SLC52A3: variants seen among roughly 807,000 people sequenced by gnomAD.
The protein encoded by SLC52A3 is solute carrier family 52, riboflavin transporter, member 3.
Under a neutral mutation model 29.5 loss-of-function variants are expected in SLC52A3, and 20 were observed. The observed-to-expected ratio is 0.68, with a 90% CI of 0.48 to 0.99. The LOEUF (loss-of-function observed/expected upper bound fraction) is 0.99, where lower values mean the gene tolerates loss of function less well. SLC52A3 is among the 50% of genes least tolerant of loss of function. SLC52A3 has a pLI of 0.00. For missense variants in SLC52A3, 548 were observed against 612.9 expected (o/e 0.89, Z 1.12); for synonymous variants, 301 against 271.0 (o/e 1.11, Z -1.09).
upstream of SLC52A3, among the ~76,000 whole-genome samples, chr20:776,367 C>T (rs751903344): frequency 2.6e-5 from 4 of 152,162 alleles, no homozygotes; most frequent in Admixed American, 6.5e-5. Flanking sequence ...ATAATAGTGC[C>T]CTCTTCATAG....
intron 1 of SLC52A3, among the ~76,000 whole-genome samples, chr20:775,231 T>C (rs1042602767): frequency 6.6e-6 from 1 of 150,654 alleles, no homozygotes; most frequent in African/African-American, 2.4e-5. Flanking sequence ...CGAGATAGCA[T>C]GGAGATGGCC....
In SLC52A3 at chr20:761,068, G is replaced by A. The variant is rs1878825944; in HGVS notation, c.1368C>T (p.Leu456=). The A allele has an allele frequency of 6.2e-7, 1 of 1,610,102 alleles. No homozygotes were observed. The highest frequency in any genetic ancestry group is 1.3e-5 in the African/African-American group (1 of 74,968). Residue 456 remains leucine (L), a synonymous_variant, in exon 5 of 5, where the codon CTC becomes CTT. Transcript: ENST00000645534. ...LMFPLVNVLR[L]FSSADFCNLH... ...GATTGCAGAAGTCCGCGGACGAGAA[G>A]AGCCGCAGCACGTTGACCAGAGGGA...
At chr20:766,042 T>G (rs189500147) in intron 1 of SLC52A3, 82 of 488,380 alleles carry the variant, frequency 1.7e-4, no homozygotes, top group Non-Finnish European at 2.4e-4. Context: ...GCTCAAGTGA[T>G]TCTCCTGCCT....
chr20:765,486 A>AC lies in SLC52A3; in HGVS notation c.288_289insG (p.Ser97ValfsTer49). 1 of 1,595,644 alleles carries AC rather than the reference A, an allele frequency of 6.3e-7. No individual in the cohort carries two copies. The highest frequency in any genetic ancestry group is 8.5e-7 in the Non-Finnish European group (1 of 1,171,176). On this transcript the variant is annotated frameshift_variant, in exon 2 of 5. Coordinates refer to ENST00000645534, the MANE Select transcript of SLC52A3 (RefSeq NM_033409.4). LOFTEE classifies it high-confidence loss of function. This position sits in a 1 kb window ranked among gnomAD's most constrained non-coding sequence, Gnocchi z 6.6. ...CTGTGGTGGCCGTCCAGCACCCAGG[A>AC]GGTCATATTCCAGAGGAAGGCAAAG...
At chr20:767,464 T>G (rs2122533315) in intron 1 of SLC52A3, among the ~76,000 whole-genome samples, 1 of 152,116 alleles carries the variant, frequency 6.6e-6, no homozygotes, top group South Asian at 2.1e-4. Context: ...CAAGTGATTC[T>G]CCTGCCTCAG....
upstream of SLC52A3, among the ~76,000 whole-genome samples, chr20:776,622 C>T (rs557089914): frequency 3.9e-5 from 6 of 152,254 alleles, no homozygotes; most frequent in East Asian, 1.9e-4. Flanking sequence ...CTGTAACCAC[C>T]TGAGGGGTTC....
At chr20:779,841 T>G (rs758497253), upstream of SLC52A3, among the ~76,000 whole-genome samples, 2 of 152,206 alleles carry the variant, frequency 1.3e-5, no homozygotes, top group Non-Finnish European at 2.9e-5. Context: ...AAGTAAAAGT[T>G]GCTAAAAGTT....
intron 1 of SLC52A3, among the ~76,000 whole-genome samples, chr20:767,447 C>T (rs576642407): frequency 6.6e-6 from 1 of 152,088 alleles, no homozygotes; most frequent in South Asian, 2.1e-4. Flanking sequence ...CCTCTACCTC[C>T]CGGGTTCAAG....
upstream of SLC52A3, among the ~76,000 whole-genome samples, chr20:776,598 T>C (rs1987038172): frequency 6.6e-6 from 1 of 152,168 alleles, no homozygotes. Context: ...CACACTGAGC[T>C]ACCCTGACAA....
rs1019225033 is a variant in SLC52A3, at chr20:775,613, G to C, written c.-238+342C>G. ...GCCTTTTGGTCTGGAGGCACCAGGG[G>C]TCTGGAATTCACCTGGATGGCTCAG... On this transcript the variant is annotated intron_variant, in intron 1 of 5. Coordinates refer to the SLC52A3 transcript ENST00000217254. Among the ~76,000 whole-genome samples the C allele has an allele frequency of 3.3e-5, 5 of 152,134 alleles. No individual in the cohort carries two copies. In the South Asian group the frequency reaches 1.0e-3, roughly 32 times the overall value.
intron 2 of SLC52A3, among the ~76,000 whole-genome samples, chr20:764,327 C>T (rs1200918343): frequency 6.6e-6 from 1 of 152,184 alleles, no homozygotes; most frequent in Non-Finnish European, 1.5e-5. Flanking sequence ...CAGACTCCAC[C>T]TGGTGCTTTC....
At chr20:772,276 T>C (rs947707139), upstream of SLC52A3, among the ~76,000 whole-genome samples, 3 of 152,192 alleles carry the variant, frequency 2.0e-5, no homozygotes, top group Non-Finnish European at 4.4e-5. Context: ...CTGTGTCACT[T>C]GAGGGATGGG....
At chr20:777,056 C>T (rs1987061939), upstream of SLC52A3, among the ~76,000 whole-genome samples, 2 of 151,866 alleles carry the variant, frequency 1.3e-5, no homozygotes, top group Non-Finnish European at 2.9e-5. Context: ...ACCAAAATGG[C>T]GAAACCCTGT....
At chr20:770,241 C>T (rs1312847022), upstream of SLC52A3, among the ~76,000 whole-genome samples, 1 of 151,804 alleles carries the variant, frequency 6.6e-6, no homozygotes, top group Non-Finnish European at 1.5e-5. This position sits in a 1 kb window ranked among gnomAD's most constrained non-coding sequence, Gnocchi z 4.5. Flanking sequence ...ACAGCAACCT[C>T]CGCCTCCCGA....
At position 761,766 on chromosome 20, in the gene SLC52A3, T is replaced by G; in HGVS notation, c.1132A>C (p.Met378Leu). 6.2e-7 allele frequency: 1 copy of G among 1,614,102 alleles called. No homozygotes were observed. The highest frequency in any genetic ancestry group is 8.5e-7 in the Non-Finnish European group (1 of 1,179,996). The change falls in exon 4 of 5, where the codon ATG (methionine) becomes CTG (leucine). Residue 378 changes from methionine (M) to leucine (L), a missense_variant. Physicochemically the swap from Met to Leu is conservative, Grantham distance 15 (BLOSUM62 2). Coordinates refer to ENST00000645534, the MANE Select transcript of SLC52A3 (RefSeq NM_033409.4). ...VLGTCFGGYN[M>L]AMAVMSPCPL... The stretch of plus-strand genomic sequence containing the variant: ...CAGGGGCTCATCACCGCCATGGCCA[T>G]GTTGTAGCCCCCAAAGCAGGTCCCA...
chr20:779,229 T>G (rs1940164377), upstream of SLC52A3, among the ~76,000 whole-genome samples: 1 of 152,234 alleles, frequency 6.6e-6, no homozygotes, highest in South Asian at 2.1e-4. Context: ...AAAAGAAGGA[T>G]GTTTACAACG....
At chr20:773,866 T>A (rs1190511099) in intron 1 of SLC52A3, among the ~76,000 whole-genome samples, 1 of 152,182 alleles carries the variant, frequency 6.6e-6, no homozygotes, top group Non-Finnish European at 1.5e-5. Context: ...CAGTGCACCG[T>A]CATTGTGTGG....
chr20:763,693 G>T lies in SLC52A3; in HGVS notation c.878C>A (p.Ala293Asp), dbSNP rs774918391. ...GGCCAGGTGCGCCGGGCAGCAGGGGGCTGCTTTCTCCTCTAGATACCCCTG... is the reference window on the plus strand; with the variant it reads ...GGCCAGGTGCGCCGGGCAGCAGGGGTCTGCTTTCTCCTCTAGATACCCCTG... Reference protein sequence around the residue: ...QGQGYLEEKAAPCCPAHLAFI... With the variant: ...QGQGYLEEKADPCCPAHLAFI... Residue 293 changes from alanine (A) to aspartate (D), a missense_variant, in exon 3 of 5, where the codon GCC (alanine) becomes GAC (aspartate). Ala to Asp is a moderately radical substitution (Grantham distance 126, BLOSUM62 -2). Coordinates refer to ENST00000645534, the MANE Select transcript of SLC52A3 (RefSeq NM_033409.4). The T allele has an allele frequency of 3.7e-6, 6 of 1,614,144 alleles. No individual in the cohort carries two copies. Among genetic ancestry groups the T allele is most frequent in the Non-Finnish European group, 5.1e-6 (6 of 1,179,992 alleles).
chr20:764,552 C>G (rs1373950274), intron 2 of SLC52A3, among the ~76,000 whole-genome samples: 1 of 50,452 alleles, frequency 2.0e-5, no homozygotes, highest in Non-Finnish European at 5.2e-5. Context: ...GAACACTGCT[C>G]CACCCATCGT....
Sources: allele counts gnomAD v4.1 joint callset (sites outside exome capture counted in the v4.1 genomes callset), GRCh38; gene constraint gnomAD v4.1.1; non-coding constraint Gnocchi (gnomAD v3.1); transcripts MANE v1.5; gene names NCBI Gene and HGNC (gene_info 2026-07-23, HGNC 2026-07-21).